The following ADAMTS2 variants were observed in gnomAD, a reference collection of about 807,000 sequenced individuals.
The protein encoded by ADAMTS2 is ADAM metallopeptidase with thrombospondin type 1 motif 2.
ADAMTS2 carries 50 observed loss-of-function variants against 123.0 expected under a neutral mutation model. The ratio of observed to expected loss-of-function variants is 0.41; its 90% CI spans 0.32 to 0.51. ADAMTS2 has a LOEUF of 0.51. Among genes scored for constraint, ADAMTS2 ranks in the 20% least tolerant of loss-of-function variants. The probability of loss-of-function intolerance (pLI) is 0.35; values close to 1 mark genes in which losing one functional copy is unlikely to be tolerated. For synonymous variants in ADAMTS2, 678 were observed against 695.4 expected (o/e 0.98, Z 0.39); for missense variants, 1,494 against 1,705.2 (o/e 0.88, Z 2.18).
At chr5:179,334,761 A>G (rs1325497550) in intron 2 of ADAMTS2, among the ~76,000 whole-genome samples, 1 of 152,252 alleles carries the variant, frequency 6.6e-6, no homozygotes, top group Non-Finnish European at 1.5e-5. Flanking sequence ...GATAAAAGAT[A>G]GTTCTATAAA....
chr5:179,137,839 G>T lies in ADAMTS2; in HGVS notation c.1881C>A (p.Cys627Ter). ...GCTCGAAGTACAGGTCCCACTGGCG[G>T]CACTGCTCCTCGCGGAAGTCAGCCA... ...DSLADFREEQCRQWDLYFEHG... is the reference protein window; with the variant it reads ...DSLADFREEQ Residue 627 changes from cysteine to a stop codon, truncating the protein, a stop_gained, in exon 12 of 22, where the codon TGC (cysteine) becomes TGA (stop). Coordinates refer to ENST00000251582, the MANE Select transcript of ADAMTS2 (RefSeq NM_014244.5). LOFTEE classifies it high-confidence loss of function. 1 of 1,572,392 alleles carries T rather than the reference G, an allele frequency of 6.4e-7. No individual in the cohort carries two copies. The highest frequency in any genetic ancestry group is 8.6e-7 in the Non-Finnish European group (1 of 1,160,392).
rs1017382205 is a variant in ADAMTS2, at chr5:179,312,743, G to C, written c.534+31024C>G. On this transcript the variant is annotated intron_variant, in intron 2 of 21. Coordinates refer to ENST00000251582, the MANE Select transcript of ADAMTS2 (RefSeq NM_014244.5). This position sits in a 1 kb window ranked among gnomAD's most constrained non-coding sequence, Gnocchi z 4.2. ...GGCCACAAGCCAAGCACTGCTGGCT[G>C]CCACGAGGACCTGGAAGAGCCCAGG... 2.0e-5 allele frequency among the ~76,000 whole-genome samples: 3 copies of C among 152,248 alleles called. No homozygotes were observed. The highest frequency in any genetic ancestry group is 7.2e-5 in the African/African-American group (3 of 41,456).
chr5:179,158,927 GC>G lies in ADAMTS2; in HGVS notation c.976-49del. On this transcript the variant is annotated intron_variant, in intron 5 of 21. Coordinates refer to ENST00000251582, the MANE Select transcript of ADAMTS2 (RefSeq NM_014244.5). The surrounding 1 kb of genome is among the most constrained non-coding windows in gnomAD (Gnocchi z 5.0). ...GGAAGAGAGAGGTTGGCGCCTGGTG[GC>G]CCAGTGGGGGGCCGAGCAGGCTGTA... 4 of 1,605,336 alleles carry G rather than the reference GC, an allele frequency of 2.5e-6. No homozygotes were observed. Among genetic ancestry groups the G allele is most frequent in the Non-Finnish European group, 3.4e-6 (4 of 1,176,208 alleles).
rs62396157 is a variant in ADAMTS2, at chr5:179,189,400, T to G, written c.892-8245A>C. 6.7e-6 allele frequency among the ~76,000 whole-genome samples: 1 copy of G among 150,024 alleles called. No individual in the cohort carries two copies. ...TCTCTCTCTGTTGCCCAGGTTGGAGTGCAGTGGCATGATCTCAGCTCACTG... is the reference window on the plus strand; with the variant it reads ...TCTCTCTCTGTTGCCCAGGTTGGAGGGCAGTGGCATGATCTCAGCTCACTG... On this transcript the variant is annotated intron_variant, in intron 4 of 21. Transcript: ENST00000251582. This position sits in a 1 kb window ranked among gnomAD's most constrained non-coding sequence, Gnocchi z 4.2.
In ADAMTS2 at chr5:179,345,284, C is replaced by T. The variant is rs1757916391; in HGVS notation, c.45G>A (p.Ala15=). 1 of 1,154,588 alleles carries T rather than the reference C, an allele frequency of 8.7e-7. No homozygotes were observed. Among genetic ancestry groups the T allele is most frequent in the Non-Finnish European group, 1.1e-6 (1 of 942,728 alleles). 71.5% of individuals were successfully genotyped at this position (1,154,588 alleles called of 1,614,324 possible). A position where few individuals can be genotyped will look rare whatever the true frequency, so the allele number is the denominator to read the frequency against. Residue 15 remains alanine, a synonymous_variant, in exon 1 of 22, where the codon GCG becomes GCA. Coordinates refer to ENST00000251582, the MANE Select transcript of ADAMTS2 (RefSeq NM_014244.5). The surrounding 1 kb of genome is among the most constrained non-coding windows in gnomAD (Gnocchi z 7.5). ...AGAARRLLCP[A]LLLLLLLLPP... is the part of the protein sequence containing the mutation. ...GCAGCAGCAGCAGCAGCAGCAGCAG[C>T]GCGGGGCAGAGCAGGCGGCGAGCGG...
chr5:179,218,492 C>A (rs973643658), intron 3 of ADAMTS2, among the ~76,000 whole-genome samples: 1 of 152,232 alleles, frequency 6.6e-6, no homozygotes, highest in Non-Finnish European at 1.5e-5. Flanking sequence ...CAGCACAGAG[C>A]CCCACTGGTG....
chr5:179,155,831 G>A lies in ADAMTS2; in HGVS notation c.1133-912C>T, dbSNP rs979386858. On this transcript the variant is annotated intron_variant, in intron 6 of 21. Transcript: ENST00000251582. This position sits in a 1 kb window ranked among gnomAD's most constrained non-coding sequence, Gnocchi z 5.1. ...GCCCTGACTTTCAGAACCCCAACCT[G>A]CCCTCACTCCTGCCATGCCCCACTG... Among the ~76,000 whole-genome samples, 1 of 151,982 alleles carries A rather than the reference G, an allele frequency of 6.6e-6. No homozygotes were observed. Among genetic ancestry groups the A allele is most frequent in the Non-Finnish European group, 1.5e-5 (1 of 68,004 alleles).
chr5:179,329,738 C>A (rs577964480), intron 2 of ADAMTS2, among the ~76,000 whole-genome samples: 2 of 152,166 alleles, frequency 1.3e-5, no homozygotes, highest in African/African-American at 2.4e-5. Flanking sequence ...AATATAAACC[C>A]ACCCAAGCTA....
chr5:179,235,386 G>A (rs1223084525), intron 3 of ADAMTS2, among the ~76,000 whole-genome samples: 1 of 152,232 alleles, frequency 6.6e-6, no homozygotes, highest in Non-Finnish European at 1.5e-5. Context: ...TGCTCAGGGT[G>A]TGTGGGACAG....
At chr5:179,259,823 C>T (rs1290667090) in intron 3 of ADAMTS2, among the ~76,000 whole-genome samples, 2 of 152,210 alleles carry the variant, frequency 1.3e-5, no homozygotes, top group Non-Finnish European at 2.9e-5. Context: ...ATTTTGGCCA[C>T]TGTGCAGTGC....
rs1392015144 is a variant in ADAMTS2, at chr5:179,189,679, G to T, written c.892-8524C>A. Among the ~76,000 whole-genome samples, 1 of 151,628 alleles carries T rather than the reference G, an allele frequency of 6.6e-6. No homozygotes were observed. The highest frequency in any genetic ancestry group is 1.5e-5 in the Non-Finnish European group (1 of 67,938). On this transcript the variant is annotated intron_variant, in intron 4 of 21. Coordinates refer to ENST00000251582, the MANE Select transcript of ADAMTS2 (RefSeq NM_014244.5). The surrounding 1 kb of genome is among the most constrained non-coding windows in gnomAD (Gnocchi z 4.2). ...GCCAGGAGCAATTTTTTGTGGGCTG[G>T]GGACGGATTTTACAAAGTACATTCT...
At chr5:179,264,221 T>C (rs1766303440) in intron 3 of ADAMTS2, among the ~76,000 whole-genome samples, 1 of 152,040 alleles carries the variant, frequency 6.6e-6, no homozygotes, top group Non-Finnish European at 1.5e-5. Flanking sequence ...AGGGACCCAC[T>C]ATGGGATGCA....
At chr5:179,246,601 G>A (rs1765805992) in intron 3 of ADAMTS2, among the ~76,000 whole-genome samples, 1 of 152,164 alleles carries the variant, frequency 6.6e-6, no homozygotes, top group African/African-American at 2.4e-5. Flanking sequence ...GGTCTAAGAA[G>A]ACTCAAAAGT....
At chr5:179,298,275 A>G (rs1581255027) in intron 2 of ADAMTS2, among the ~76,000 whole-genome samples, 1 of 152,090 alleles carries the variant, frequency 6.6e-6, no homozygotes. Context: ...CCAAGCCTCC[A>G]TGGAGATGAG....
At chr5:179,240,429 G>C (rs1214878649) in intron 3 of ADAMTS2, among the ~76,000 whole-genome samples, 2 of 152,216 alleles carry the variant, frequency 1.3e-5, no homozygotes, top group Non-Finnish European at 2.9e-5. Context: ...GGAAGGATCA[G>C]TGGTGTGAGA....
intron 3 of ADAMTS2, among the ~76,000 whole-genome samples, chr5:179,266,350 G>A (rs1046312423): frequency 5.9e-5 from 9 of 152,210 alleles, no homozygotes; most frequent in Non-Finnish European, 7.3e-5. Flanking sequence ...GTCCCAGCGG[G>A]CCCTAAATGT....
intron 21 of ADAMTS2, among the ~76,000 whole-genome samples, chr5:179,116,034 C>T (rs1762650990): frequency 2.6e-5 from 4 of 152,092 alleles, no homozygotes. Context: ...TGCTGCCCAC[C>T]CTGTCTCGGT....
chr5:179,328,052 A>G lies in ADAMTS2; in HGVS notation c.534+15715T>C, dbSNP rs868474206. 3.0e-4 allele frequency among the ~76,000 whole-genome samples: 45 copies of G among 152,326 alleles called. No homozygotes were observed. The South Asian group carries it at 4.1e-3, about 14-fold the overall frequency. On this transcript the variant is annotated intron_variant, in intron 2 of 21. Coordinates refer to ENST00000251582, the MANE Select transcript of ADAMTS2 (RefSeq NM_014244.5). Reference sequence around the variant, plus strand: ...TTTGTTTTGTTTTGTTTTTTGAGACAGAGTCTCGCTCTGTCGCCCAGGCTG... The same window carrying G: ...TTTGTTTTGTTTTGTTTTTTGAGACGGAGTCTCGCTCTGTCGCCCAGGCTG...
chr5:179,295,874 C>T (rs1581253223), intron 2 of ADAMTS2, among the ~76,000 whole-genome samples: 1 of 152,214 alleles, frequency 6.6e-6, no homozygotes, highest in African/African-American at 2.4e-5. Flanking sequence ...ACTAGTGGGG[C>T]CTGTGCTGGG....
Sources: gnomAD v4.1 joint callset for allele counts (sites outside exome capture counted in the v4.1 genomes callset) on GRCh38, gnomAD v4.1.1 for gene constraint, Gnocchi (gnomAD v3.1) non-coding constraint, MANE v1.5 for transcripts, NCBI Gene and HGNC (gene_info 2026-07-23, HGNC 2026-07-21) for gene names.